The following DSCAM variants were observed in gnomAD, a reference collection of about 807,000 sequenced individuals.
DSCAM encodes DS cell adhesion molecule.
In DSCAM, 47 loss-of-function variants were observed where a neutral mutation model predicts 217.7. The ratio of observed to expected loss-of-function variants is 0.22; its 90% confidence interval spans 0.17 to 0.28. The LOEUF is 0.28. Among genes scored for constraint, DSCAM ranks in the 10% least tolerant of loss-of-function variants. The probability of loss-of-function intolerance (pLI) is 1.00; values close to 1 mark genes in which losing one functional copy is unlikely to be tolerated. For missense variants in DSCAM, 2,080 were observed against 2,618.3 expected, an observed-to-expected ratio of 0.79 and a Z score of 4.49; for synonymous variants, 1,056 against 1,015.3, an observed-to-expected ratio of 1.04 and a Z score of -0.76.
intron 32 of DSCAM, among the ~76,000 whole-genome samples, chr21:40,014,595 A>G (rs2088123781): frequency 6.6e-6 from 1 of 152,116 alleles, no homozygotes; most frequent in Non-Finnish European, 1.5e-5. Context: ...CATCAGCCTC[A>G]CTGCAGCCTT....
At chr21:40,174,546 T>TTA (rs1555885985) in intron 15 of DSCAM, among the ~76,000 whole-genome samples, 1 of 151,108 alleles carries the variant, frequency 6.6e-6, no homozygotes, top group Admixed American at 6.6e-5. Flanking sequence ...TTTTTTTTTT[T>TTA]AAAGATGAAA....
At chr21:40,184,153 T>A (rs977235683) in intron 14 of DSCAM, among the ~76,000 whole-genome samples, 1 of 152,166 alleles carries the variant, frequency 6.6e-6, no homozygotes, top group African/African-American at 2.4e-5. Context: ...AGAAGTGACA[T>A]TTAGGCTGTT....
At chr21:40,305,242 T>C (rs549216952) in intron 9 of DSCAM, among the ~76,000 whole-genome samples, 11 of 151,972 alleles carry the variant, frequency 7.2e-5, no homozygotes, top group African/African-American at 2.7e-4. Flanking sequence ...ATAAAAAAAT[T>C]AGCTTGGCAT....
intron 16 of DSCAM, among the ~76,000 whole-genome samples, chr21:40,163,082 C>CACACACACACAT (rs2090557715): frequency 6.9e-6 from 1 of 144,950 alleles, no homozygotes; most frequent in African/African-American, 2.6e-5. Context: ...CACACACACA[C>CACACACACACAT]ACACACACAC....
At chr21:40,158,848 A>G (rs1401167786) in intron 16 of DSCAM, among the ~76,000 whole-genome samples, 1 of 152,246 alleles carries the variant, frequency 6.6e-6, no homozygotes, top group Non-Finnish European at 1.5e-5. Flanking sequence ...AAGAACAGGA[A>G]GAGTTTATTA....
intron 3 of DSCAM, among the ~76,000 whole-genome samples, chr21:40,556,491 C>T (rs1406193084): frequency 6.6e-6 from 1 of 152,080 alleles, no homozygotes; most frequent in Non-Finnish European, 1.5e-5. Flanking sequence ...ATACAGAGGT[C>T]TGGGTAATAA....
intron 3 of DSCAM, among the ~76,000 whole-genome samples, chr21:40,566,586 G>A (rs546393372): frequency 6.6e-6 from 1 of 152,230 alleles, no homozygotes; most frequent in Non-Finnish European, 1.5e-5. Flanking sequence ...ATCTTTAACT[G>A]AGTTTCAGAT....
At chr21:40,502,801 A>C (rs543564049) in intron 3 of DSCAM, among the ~76,000 whole-genome samples, 1 of 147,010 alleles carries the variant, frequency 6.8e-6, no homozygotes, top group South Asian at 2.1e-4. Flanking sequence ...GACATAACAT[A>C]TTCACAGGTC....
intron 3 of DSCAM, among the ~76,000 whole-genome samples, chr21:40,525,512 GAGA>G (rs1290382930): frequency 6.6e-6 from 1 of 152,226 alleles, no homozygotes; most frequent in African/African-American, 2.4e-5. Flanking sequence ...TTCTTTAAGT[GAGA>G]AGAACAATTA....
chr21:40,368,855 C>T (rs543104412), intron 4 of DSCAM, among the ~76,000 whole-genome samples: 7 of 152,294 alleles, frequency 4.6e-5, no homozygotes, highest in Admixed American at 3.3e-4. Context: ...CTAATGTGCT[C>T]CCTGAAATGC....
chr21:40,676,751 C>T (rs905973668), intron 3 of DSCAM, among the ~76,000 whole-genome samples: 11 of 152,122 alleles, frequency 7.2e-5, no homozygotes, highest in Non-Finnish European at 1.6e-4. Context: ...GGCTGAGATA[C>T]ACCTTTCTTC....
At chr21:40,551,109 C>G (rs1481601586) in intron 3 of DSCAM, among the ~76,000 whole-genome samples, 1 of 152,196 alleles carries the variant, frequency 6.6e-6, no homozygotes, top group Admixed American at 6.5e-5. Context: ...GAGCCAAATA[C>G]CAATGACCAT....
chr21:40,199,096 G>A (rs939012038), intron 11 of DSCAM, among the ~76,000 whole-genome samples: 2 of 152,166 alleles, frequency 1.3e-5, no homozygotes, highest in African/African-American at 4.8e-5. Flanking sequence ...GGAATCTGAA[G>A]TAGGGAGCCC....
intron 3 of DSCAM, among the ~76,000 whole-genome samples, chr21:40,532,003 C>A (rs1334328264): frequency 6.6e-6 from 1 of 152,132 alleles, no homozygotes; most frequent in Non-Finnish European, 1.5e-5. Flanking sequence ...GATTCCAAAG[C>A]CTCATCATTT....
chr21:40,277,271 C>T (rs2837549), intron 10 of DSCAM, among the ~76,000 whole-genome samples: 1 of 151,974 alleles, frequency 6.6e-6, no homozygotes, highest in African/African-American at 2.4e-5. Flanking sequence ...GGCCCAAGAA[C>T]CTACACGGGA....
In DSCAM at chr21:40,847,002, T is replaced by C. The variant is rs9975082; in HGVS notation, c.-341A>G. Reference sequence around the variant, plus strand: ...GCGGGCGTGAGCTCATCCCGGGCACTCGGCGCCCAGAATGCGCAGCCAGCG... The same window carrying C: ...GCGGGCGTGAGCTCATCCCGGGCACCCGGCGCCCAGAATGCGCAGCCAGCG... On this transcript the variant is annotated 5_prime_UTR_variant, in exon 1 of 33. Coordinates refer to ENST00000400454, the MANE Select transcript of DSCAM (RefSeq NM_001389.5). 0.46 allele frequency: 69,887 copies of C among 152,090 alleles called. 19,375 individuals carry two copies. Among genetic ancestry groups the C allele is most frequent in the African/African-American group, 0.78 (32,325 of 41,484 alleles). The allele number at this position is 152,090 out of a possible 1,614,324, so 9.4% of individuals were successfully genotyped here.
chr21:40,564,917 C>T (rs1204723775), intron 3 of DSCAM, among the ~76,000 whole-genome samples: 1 of 152,128 alleles, frequency 6.6e-6, no homozygotes, highest in African/African-American at 2.4e-5. Flanking sequence ...GCTCCCTGTG[C>T]CTCCAAGGTG....
At chr21:40,094,779 A>G (rs1410281113) in intron 20 of DSCAM, among the ~76,000 whole-genome samples, 11 of 152,246 alleles carry the variant, frequency 7.2e-5, no homozygotes, top group Non-Finnish European at 4.4e-5. Flanking sequence ...TAGAGAGAAC[A>G]AATTATTCCT....
intron 3 of DSCAM, among the ~76,000 whole-genome samples, chr21:40,684,990 A>G (rs952141469): frequency 6.6e-6 from 1 of 152,216 alleles, no homozygotes; most frequent in Admixed American, 6.5e-5. Flanking sequence ...AATGAACTCC[A>G]TTTACACTTA....
Sources: allele counts gnomAD v4.1 joint callset (sites outside exome capture counted in the v4.1 genomes callset), GRCh38; gene constraint gnomAD v4.1.1; transcripts MANE v1.5; gene names NCBI Gene and HGNC (gene_info 2026-07-23, HGNC 2026-07-21).